The following IQSEC1 variants were observed in gnomAD, a reference collection of about 807,000 sequenced individuals.
IQSEC1 encodes the protein IQ motif and Sec7 domain ArfGEF 1, also known as IQ motif and SEC7 domain-containing protein 1.
In IQSEC1, 31 loss-of-function variants were observed where a neutral mutation model predicts 91.0. The observed-to-expected ratio is 0.34, with a 90% CI of 0.26 to 0.46. The LOEUF (loss-of-function observed/expected upper bound fraction) is 0.46, where lower values mean the gene tolerates loss of function less well. IQSEC1 is among the 20% of genes least tolerant of loss of function. IQSEC1 has a pLI of 1.00. For synonymous variants in IQSEC1, 699 were observed against 662.6 expected (o/e 1.05, Z -0.84); for missense variants, 1,388 against 1,575.6 (o/e 0.88, Z 2.02).
chr3:13,258,760 T>C (rs1206247683), intron 1 of IQSEC1, among the ~76,000 whole-genome samples: 5 of 152,150 alleles, frequency 3.3e-5, no homozygotes, highest in African/African-American at 9.7e-5. Flanking sequence ...ATGCAGCCAG[T>C]GAGGAGCACA....
chr3:12,988,528 G>A (rs1004649981), intron 1 of IQSEC1, among the ~76,000 whole-genome samples: 3 of 152,198 alleles, frequency 2.0e-5, no homozygotes, highest in African/African-American at 7.2e-5. Context: ...AGCCAGACCT[G>A]AACAAATATC....
At chr3:13,015,465 A>T in intron 1 of IQSEC1, 2 of 640,508 alleles carry the variant, frequency 3.1e-6, no homozygotes, top group Non-Finnish European at 3.9e-6. Flanking sequence ...GAAAACTCTG[A>T]CGACAGCCCC....
chr3:13,152,834 C>T (rs2124963126), intron 2 of IQSEC1, among the ~76,000 whole-genome samples: 1 of 152,316 alleles, frequency 6.6e-6, no homozygotes, highest in Middle Eastern at 3.4e-3. Flanking sequence ...CACGCCATTG[C>T]ACTCCAGCCT....
chr3:13,218,246 T>G (rs1435771231), intron 1 of IQSEC1, among the ~76,000 whole-genome samples: 1 of 152,054 alleles, frequency 6.6e-6, no homozygotes, highest in African/African-American at 2.4e-5. Flanking sequence ...AAGGCATGGG[T>G]GGGGAGCGGC....
chr3:13,067,730 A>G (rs1462007940), intron 1 of IQSEC1, among the ~76,000 whole-genome samples: 3 of 152,368 alleles, frequency 2.0e-5, no homozygotes, highest in Admixed American at 2.0e-4. Context: ...GGAGTCAGGC[A>G]GACTCACTGG....
At chr3:13,021,851 C>A (rs1055411801) in intron 1 of IQSEC1, among the ~76,000 whole-genome samples, 1 of 152,200 alleles carries the variant, frequency 6.6e-6, no homozygotes, top group Non-Finnish European at 1.5e-5. Context: ...TGCTCTGGAT[C>A]CCAGCCAATC....
intron 1 of IQSEC1, among the ~76,000 whole-genome samples, chr3:13,047,947 T>C (rs1373318207): frequency 1.3e-5 from 2 of 152,150 alleles, no homozygotes; most frequent in Admixed American, 6.5e-5. Flanking sequence ...CCAGCCTCCA[T>C]GCCGGCAGCC....
rs1459722113 is a variant in IQSEC1 at position 12,900,081 on chromosome 3, T to TAG, written c.*900_*901dup. On this transcript the variant is annotated 3_prime_UTR_variant, in exon 14 of 14. Coordinates refer to ENST00000613206, the MANE Select transcript of IQSEC1 (RefSeq NM_001134382.3). ...AACCAGCTGTCCTGAGTTGCTACTGTAGAGTGTACTGCAGTTTAGCTATTT... is the reference window on the plus strand; with the variant it reads ...AACCAGCTGTCCTGAGTTGCTACTGTAGAGAGTGTACTGCAGTTTAGCTATTT... The TAG allele has an allele frequency of 3.1e-6, 3 of 983,036 alleles. No homozygotes were observed. The highest frequency in any genetic ancestry group is 3.6e-6 in the Non-Finnish European group (3 of 827,794). 60.9% of individuals were successfully genotyped at this position (983,036 alleles called of 1,614,324 possible).
intron 12 of IQSEC1, 58 bp from the exon 13 acceptor site, chr3:12,902,880 C>T: frequency 7.7e-7 from 1 of 1,292,116 alleles, no homozygotes; most frequent in South Asian, 1.2e-5. Context: ...GGGGTGCTGC[C>T]TGCCTGGTGC....
chr3:13,081,798 G>T (rs1019954993), intron 2 of IQSEC1, among the ~76,000 whole-genome samples: 19 of 152,300 alleles, frequency 1.2e-4, no homozygotes, highest in African/African-American at 4.6e-4. Context: ...ACCTTGGGCG[G>T]GTCTTCGCTC....
rs1431626776 is a variant in IQSEC1, at chr3:12,909,787, A to G, written c.2417-353T>C. On this transcript the variant is annotated intron_variant, in intron 10 of 13. Transcript: ENST00000613206. The surrounding 1 kb of genome is among the most constrained non-coding windows in gnomAD (Gnocchi z 4.9). ...AGCAGTGAGCGCCATATTCTCCCGA[A>G]TGGCCTGTGGCCCACAGCTCCCATG... Among the ~76,000 whole-genome samples the G allele has an allele frequency of 1.3e-5, 2 of 152,224 alleles. No homozygotes were observed. The highest frequency in any genetic ancestry group is 4.8e-5 in the African/African-American group (2 of 41,448).
intron 1 of IQSEC1, among the ~76,000 whole-genome samples, chr3:13,234,386 G>A (rs891920520): frequency 2.6e-5 from 4 of 151,906 alleles, no homozygotes; most frequent in African/African-American, 9.7e-5. Flanking sequence ...TGTGAGCCTG[G>A]GCAGCTGCTC....
rs144846281 is a variant in IQSEC1, at chr3:13,038,559, T to C, written c.23+34433A>G. Among the ~76,000 whole-genome samples the C allele has an allele frequency of 4.1e-4, 62 of 152,002 alleles. No individual in the cohort carries two copies. The East Asian group carries it at 6.8e-3, about 17-fold the overall frequency. On this transcript the variant is annotated intron_variant, in intron 1 of 13. Transcript: ENST00000613206. ...TAATGAATACAAAAAATAGAAGGAA[T>C]GAGTAAGTGAATAAGACTTACTATT...
chr3:12,901,185 GGGTGGT>G lies in IQSEC1; in HGVS notation c.3137_3142del (p.His1046_His1047del), dbSNP rs753048535. ...GTGTGCGTGCTGGATGTGCTGGGGTGGGTGGTGGTGGTGGTGATGGTGGTACGGGGG... is the reference window on the plus strand; with the variant it reads ...GTGTGCGTGCTGGATGTGCTGGGGTGGGTGGTGGTGATGGTGGTACGGGGG... On this transcript the variant is annotated inframe_deletion, in exon 14 of 14. Transcript: ENST00000613206. 41 of 1,540,748 alleles carry G rather than the reference GGGTGGT, an allele frequency of 2.7e-5. No individual in the cohort carries two copies. In the Middle Eastern group the frequency reaches 2.7e-3, roughly 101 times the overall value.
At chr3:13,107,424 C>T (rs1213172591) in intron 2 of IQSEC1, among the ~76,000 whole-genome samples, 1 of 152,212 alleles carries the variant, frequency 6.6e-6, no homozygotes, top group African/African-American at 2.4e-5. Flanking sequence ...TTAGATGCTT[C>T]CGAGATGTTT....
chr3:13,144,994 C>T (rs1391459113), intron 2 of IQSEC1, among the ~76,000 whole-genome samples: 2 of 152,202 alleles, frequency 1.3e-5, no homozygotes, highest in Non-Finnish European at 2.9e-5. Flanking sequence ...AGCGGCCAGT[C>T]CCGGGAGTGT....
intron 2 of IQSEC1, among the ~76,000 whole-genome samples, chr3:13,082,749 C>A (rs111808748): frequency 6.6e-6 from 1 of 152,218 alleles, no homozygotes; most frequent in Non-Finnish European, 1.5e-5. Context: ...GTGCTGGTCA[C>A]CCTTGGCTCT....
At position 13,211,156 on chromosome 3, in the gene IQSEC1, T is replaced by C. The variant is rs542117002; in HGVS notation, c.273-47023A>G. ...ATCTCCACCCTCATGGAGCTCGCAG[T>C]CTGTGTGGACAAGACACAGGGCAGG... On this transcript the variant is annotated intron_variant, in intron 1 of 15. Coordinates refer to the IQSEC1 transcript ENST00000648114. The surrounding 1 kb of genome is among the most constrained non-coding windows in gnomAD (Gnocchi z 5.3). Among the ~76,000 whole-genome samples the C allele has an allele frequency of 2.6e-5, 4 of 152,320 alleles. No homozygotes were observed. The highest frequency in any genetic ancestry group is 9.6e-5 in the African/African-American group (4 of 41,566).
rs1333302335 is a variant in IQSEC1, at chr3:12,898,547, C to CT, written c.*2435dup. 6.6e-6 allele frequency: 1 copy of CT among 152,142 alleles called. No homozygotes were observed. Among genetic ancestry groups the CT allele is most frequent in the East Asian group, 1.9e-4 (1 of 5,184 alleles). 9.4% of individuals were successfully genotyped at this position (152,142 alleles called of 1,614,324 possible). ...GATGGCGATGGAGAGGGAGAGTTTC[C>CT]TGAAAGCCCCTCCTGGGGTTTTCTG... On this transcript the variant is annotated 3_prime_UTR_variant, in exon 14 of 14. Transcript: ENST00000613206.
Sources: gnomAD v4.1 joint callset for allele counts (sites outside exome capture counted in the v4.1 genomes callset) on GRCh38, gnomAD v4.1.1 for gene constraint, Gnocchi (gnomAD v3.1) non-coding constraint, MANE v1.5 for transcripts, NCBI Gene and HGNC (gene_info 2026-07-23, HGNC 2026-07-21) for gene names.